The following CNGA1 variants were observed in gnomAD, a reference collection of about 807,000 sequenced individuals.
The protein encoded by CNGA1 is cyclic nucleotide gated channel subunit alpha 1.
Under a neutral mutation model 69.7 loss-of-function variants are expected in CNGA1, and 53 were observed. That is an observed-to-expected ratio of 0.76 (90% CI 0.61 to 0.96). The LOEUF (loss-of-function observed/expected upper bound fraction) is 0.96, where lower values mean the gene tolerates loss of function less well. Among genes scored for constraint, CNGA1 ranks in the 40% least tolerant of loss-of-function variants. The pLI, the probability that CNGA1 is intolerant of heterozygous loss-of-function variation, is 0.00. For synonymous variants in CNGA1, 249 were observed against 283.5 expected (o/e 0.88, Z 1.22); for missense variants, 739 against 811.2 (o/e 0.91, Z 1.08).
intron 2 of CNGA1, among the ~76,000 whole-genome samples, chr4:48,003,627 C>G (rs530300699): frequency 2.2e-4 from 33 of 152,004 alleles, no homozygotes; most frequent in African/African-American, 7.0e-4. Context: ...CTCTTTATTC[C>G]AATATTATAA....
At chr4:48,012,278 T>G (rs942915003) in intron 1 of CNGA1, among the ~76,000 whole-genome samples, 73 of 152,138 alleles carry the variant, frequency 4.8e-4, no homozygotes, top group African/African-American at 1.7e-3. Flanking sequence ...CTTACTATAT[T>G]TCAGCTAGGA....
At chr4:48,005,007 T>G (rs1714850638) in intron 2 of CNGA1, among the ~76,000 whole-genome samples, 1 of 152,222 alleles carries the variant, frequency 6.6e-6, no homozygotes, top group South Asian at 2.1e-4. Flanking sequence ...GACTGGAATC[T>G]AAGAACAGGT....
At chr4:47,943,333 G>A (rs1478180436) in intron 7 of CNGA1, 38 bp downstream of exon 7, 1 of 1,531,050 alleles carries the variant, frequency 6.5e-7, no homozygotes, top group African/African-American at 1.4e-5. Context: ...AAATGTTATG[G>A]GCAGAAAAAT....
chr4:47,949,717 T>C, intron 6 of CNGA1, 116 bp downstream of exon 6: 1 of 740,832 alleles, frequency 1.3e-6, no homozygotes, highest in South Asian at 1.7e-5. Flanking sequence ...ATTGCCATTG[T>C]ATTAGATCAT....
chr4:48,016,449 T>G, intron 1 of CNGA1, 34 bp downstream of exon 1: 1 of 257,838 alleles, frequency 3.9e-6, no homozygotes, highest in Non-Finnish European at 7.4e-6. Flanking sequence ...GGGGCCTCAG[T>G]GCAGCCTCCA....
intron 8 of CNGA1, 80 bp from the exon 9 acceptor site, chr4:47,942,228 C>T (rs1739127088): frequency 1.1e-6 from 1 of 871,992 alleles, no homozygotes. Context: ...ATCGTTATGC[C>T]CATCAACCAC....
intron 3 of CNGA1, among the ~76,000 whole-genome samples, chr4:47,962,438 C>T (rs571651034): frequency 4.6e-5 from 7 of 151,384 alleles, no homozygotes; most frequent in South Asian, 4.2e-4. Context: ...AAAAAGTATA[C>T]GTTTTTAGTG....
chr4:47,964,375 G>A (rs1412789921), intron 3 of CNGA1, among the ~76,000 whole-genome samples: 1 of 152,036 alleles, frequency 6.6e-6, no homozygotes, highest in African/African-American at 2.4e-5. Context: ...AGAAAAATGA[G>A]TCCTTCTCTT....
intron 2 of CNGA1, among the ~76,000 whole-genome samples, chr4:48,008,977 T>C (rs1715034505): frequency 1.4e-5 from 2 of 140,728 alleles, no homozygotes; most frequent in African/African-American, 2.5e-5. Flanking sequence ...GTCTTATTTA[T>C]TAAAGATTAT....
intron 6 of CNGA1, 80 bp from the exon 7 acceptor site, chr4:47,943,492 C>A (rs1739219741): frequency 2.2e-6 from 2 of 926,922 alleles, no homozygotes; most frequent in East Asian, 2.8e-5. Context: ...GAGCAAAAAT[C>A]TCAGCTTTGC....
chr4:47,974,678 G>A (rs542518090), intron 3 of CNGA1, among the ~76,000 whole-genome samples: 2 of 150,698 alleles, frequency 1.3e-5, no homozygotes, highest in East Asian at 1.9e-4. Context: ...CATCTCACTC[G>A]TTCCATCTCA....
chr4:48,010,371 C>G (rs1053222492), intron 2 of CNGA1, among the ~76,000 whole-genome samples: 1 of 152,216 alleles, frequency 6.6e-6, no homozygotes, highest in African/African-American at 2.4e-5. Context: ...CCACATGATG[C>G]TTTTACAGTG....
At chr4:47,949,405 G>C (rs898217821) in intron 6 of CNGA1, among the ~76,000 whole-genome samples, 1 of 152,098 alleles carries the variant, frequency 6.6e-6, no homozygotes, top group African/African-American at 2.4e-5. Context: ...TCTGAAGTTC[G>C]ACTTCTCCCT....
intron 6 of CNGA1, among the ~76,000 whole-genome samples, chr4:47,946,543 A>C (rs536327442): frequency 6.6e-6 from 1 of 152,372 alleles, no homozygotes; most frequent in Admixed American, 6.5e-5. Flanking sequence ...AGAGCACCAC[A>C]TTAGTCCACT....
At chr4:47,968,090 G>A (rs949564240) in intron 3 of CNGA1, among the ~76,000 whole-genome samples, 5 of 152,162 alleles carry the variant, frequency 3.3e-5, no homozygotes, top group Admixed American at 2.6e-4. Context: ...ATCCAAAGAT[G>A]AGTATGCCCC....
In CNGA1 at chr4:47,937,247, G is replaced by A; in HGVS notation, c.1235C>T (p.Ala412Val). The change falls in exon 11 of 11, where the codon GCT becomes GTT. Residue 412 changes from alanine (A) to valine (V), a missense_variant. Ala to Val is a moderately conservative substitution (Grantham distance 64). Transcript: ENST00000514170. Reference protein sequence around the residue: ...ARAEFQARIDAIKQYMHFRNV... With the variant: ...ARAEFQARIDVIKQYMHFRNV... ...TCGAAAATGCATATATTGCTTGATA[G>A]CATCAATTCTTGCTTGAAATTCTGC... The A allele has an allele frequency of 3.1e-6, 5 of 1,613,948 alleles. No individual in the cohort carries two copies. The highest frequency in any genetic ancestry group is 4.2e-6 in the Non-Finnish European group (5 of 1,180,028).
intron 3 of CNGA1, among the ~76,000 whole-genome samples, chr4:47,953,393 C>T (rs934223841): frequency 6.6e-6 from 1 of 152,080 alleles, no homozygotes; most frequent in Non-Finnish European, 1.5e-5. Context: ...ACCCATCAAG[C>T]AATTAAATAA....
At chr4:48,015,824 G>C (rs1715352922) in intron 1 of CNGA1, among the ~76,000 whole-genome samples, 1 of 152,122 alleles carries the variant, frequency 6.6e-6, no homozygotes, top group African/African-American at 2.4e-5. Flanking sequence ...TCTCGAACTT[G>C]TGGACTCAAG....
chr4:47,952,076 G>A (rs139804361), intron 4 of CNGA1, among the ~76,000 whole-genome samples: 2 of 152,188 alleles, frequency 1.3e-5, no homozygotes, highest in Non-Finnish European at 2.9e-5. Flanking sequence ...TAATATCTAT[G>A]TTCAGGCTGG....
Sources: gnomAD v4.1 joint callset for allele counts (sites outside exome capture counted in the v4.1 genomes callset) on GRCh38, gnomAD v4.1.1 for gene constraint, MANE v1.5 for transcripts, NCBI Gene and HGNC (gene_info 2026-07-23, HGNC 2026-07-21) for gene names.